Variants in ADGRF5 observed in about 807,000 individuals in gnomAD.
The protein encoded by ADGRF5 is G-protein coupled receptor 116.
Under a neutral mutation model 132.3 loss-of-function variants are expected in ADGRF5, and 75 were observed. That is an observed-to-expected ratio of 0.57 (90% CI 0.47 to 0.69). The LOEUF (loss-of-function observed/expected upper bound fraction) is 0.69. Ranked by LOEUF, ADGRF5 falls within the 30% of genes least tolerant of loss-of-function variation. ADGRF5 has a pLI of 0.00. For missense variants in ADGRF5, 1,516 were observed against 1,630.6 expected (o/e 0.93, Z 1.21); for synonymous variants, 629 against 597.6 (o/e 1.05, Z -0.77).
chr6:46,871,428 T>C (rs1933051097), intron 11 of ADGRF5, among the ~76,000 whole-genome samples: 1 of 151,992 alleles, frequency 6.6e-6, no homozygotes, highest in African/African-American at 2.4e-5. Flanking sequence ...TGAGGAGTAG[T>C]AGGGGAGTGA....
intron 1 of ADGRF5, among the ~76,000 whole-genome samples, chr6:46,938,052 G>A (rs1777915702): frequency 6.6e-6 from 1 of 152,140 alleles, no homozygotes; most frequent in Non-Finnish European, 1.5e-5. Context: ...CTGATTCAGA[G>A]TTATCAATAC....
At chr6:46,869,187 AGGG>A (rs1581768892) in intron 11 of ADGRF5, 95 bp from the exon 12 acceptor site, 1 of 1,522,432 alleles carries the variant, frequency 6.6e-7, no homozygotes, top group South Asian at 1.3e-5. Flanking sequence ...AACTTCAGAG[AGGG>A]ACAGAAAAAA....
rs765956166 is a variant in ADGRF5, at chr6:46,906,721, A to G, written c.42T>C (p.Ile14=). ...GTGCAGCTTTGGAAGAATAAATCAC[A>G]ATAAACATGAGGCACAAAGTGGTTC... ...PRRTTLCLMF[I]VIYSSKAALN... is the part of the protein sequence containing the mutation. The change falls in exon 2 of 21, where the codon ATT becomes ATC. Residue 14 remains isoleucine (I), a synonymous_variant. Transcript: ENST00000283296. The G allele has an allele frequency of 3.1e-6, 5 of 1,608,972 alleles. No individual in the cohort carries two copies. In the East Asian group the frequency reaches 6.7e-5, roughly 22 times the overall value.
At chr6:46,923,246 G>A (rs1777080637), upstream of ADGRF5, among the ~76,000 whole-genome samples, 1 of 152,166 alleles carries the variant, frequency 6.6e-6, no homozygotes, top group Admixed American at 6.5e-5. Context: ...GTTTTATTGT[G>A]TGTGAAAGTG....
Position 46,876,939 on chromosome 6 carries a change from A to G in ADGRF5, c.1240+1263T>C, listed in dbSNP as rs141324002. ...TTTAAAAATAATTTAATCAATTTCC[A>G]TAGCTAAGGCTTTGTAAAATGAAGG... On this transcript the variant is annotated intron_variant, in intron 10 of 20. Coordinates refer to ENST00000283296, the MANE Select transcript of ADGRF5 (RefSeq NM_001098518.2). Among the ~76,000 whole-genome samples, 1,370 of 152,332 alleles carry G rather than the reference A, an allele frequency of 9.0e-3. 16 individuals carry two copies. The highest frequency in any genetic ancestry group is 0.031 in the African/African-American group (1,294 of 41,568).
Position 46,868,967 on chromosome 6 carries a change from A to G in ADGRF5, c.1537T>C (p.Tyr513His), listed in dbSNP as rs112491454. Residue 513 changes from tyrosine to histidine, a missense_variant, in exon 12 of 21, where the codon TAC becomes CAC. Transcript: ENST00000283296. ...CTCCTCGTGGTATAAAATCTTTGGT[A>G]TATTTTAATTCCAGCAGAAGTGTTC... ...YWNTSAGIKI[Y>H]QRFYTTRRYL... The G allele has an allele frequency of 6.2e-4, 1,002 of 1,613,240 alleles. 7 individuals carry two copies. The African/African-American group carries it at 0.011, about 18-fold the overall frequency.
At chr6:46,953,859 G>T (rs2113851704) in intron 1 of ADGRF5, among the ~76,000 whole-genome samples, 1 of 151,506 alleles carries the variant, frequency 6.6e-6, no homozygotes, top group South Asian at 2.1e-4. Flanking sequence ...TCAATAAATA[G>T]GTATGAATTG....
rs220717 is a variant in ADGRF5, at chr6:46,919,816, T to G, written c.-25+1897A>C. Among the ~76,000 whole-genome samples, 173 of 152,196 alleles carry G rather than the reference T, an allele frequency of 1.1e-3. 1 individual carries two copies. The highest frequency in any genetic ancestry group is 3.9e-3 in the African/African-American group (163 of 41,536). Reference sequence around the variant, plus strand: ...AAACCCTGTAAAGAACAAGAAAATATGAAATAGCTATTGAAAGTGTTCGTA... The same window carrying G: ...AAACCCTGTAAAGAACAAGAAAATAGGAAATAGCTATTGAAAGTGTTCGTA... On this transcript the variant is annotated intron_variant, in intron 1 of 20. Transcript: ENST00000283296.
At chr6:46,954,113 C>T (rs1778631758) in intron 1 of ADGRF5, among the ~76,000 whole-genome samples, 2 of 152,112 alleles carry the variant, frequency 1.3e-5, no homozygotes, top group East Asian at 3.9e-4. Context: ...CCACCACAAG[C>T]CTCCGAGACA....
At chr6:46,923,899 T>G (rs1203490805), upstream of ADGRF5, among the ~76,000 whole-genome samples, 1 of 152,212 alleles carries the variant, frequency 6.6e-6, no homozygotes, top group Non-Finnish European at 1.5e-5. Context: ...AGCCGTTTTC[T>G]TGAATTCTAA....
intron 4 of ADGRF5, among the ~76,000 whole-genome samples, chr6:46,885,516 T>A (rs1312451946): frequency 1.3e-5 from 2 of 152,202 alleles, no homozygotes; most frequent in African/African-American, 4.8e-5. Flanking sequence ...CAAGAGGTCT[T>A]GTCTTGATGG....
At chr6:46,870,575 T>A (rs1770939281) in intron 11 of ADGRF5, among the ~76,000 whole-genome samples, 1 of 152,230 alleles carries the variant, frequency 6.6e-6, no homozygotes, top group African/African-American at 2.4e-5. Flanking sequence ...AGGTGTAATA[T>A]GTCCCTGCAT....
chr6:46,881,672 T>A, intron 7 of ADGRF5, 75 bp from the exon 8 acceptor site: 1 of 1,363,602 alleles, frequency 7.3e-7, no homozygotes, highest in Non-Finnish European at 1.0e-6. Context: ...CTTATTTGCT[T>A]AGGAAACAAA....
intron 3 of ADGRF5, 56 bp from the exon 4 acceptor site, chr6:46,888,561 T>G (rs1773296738): frequency 3.4e-6 from 4 of 1,189,670 alleles, no homozygotes; most frequent in Non-Finnish European, 5.0e-6. Context: ...TGGAGTAAGA[T>G]CATGATGGAT....
intron 1 of ADGRF5, among the ~76,000 whole-genome samples, chr6:46,947,571 G>A (rs927837952): frequency 3.3e-5 from 5 of 152,270 alleles, no homozygotes; most frequent in African/African-American, 1.2e-4. Context: ...GTGGTGGGCA[G>A]GATAAAGGGT....
chr6:46,951,783 G>C (rs1484744692), intron 1 of ADGRF5, among the ~76,000 whole-genome samples: 1 of 152,196 alleles, frequency 6.6e-6, no homozygotes, highest in East Asian at 1.9e-4. Context: ...GGATTTCTCT[G>C]AGTTGCAGGG....
chr6:46,872,981 C>T (rs996647835), intron 10 of ADGRF5, among the ~76,000 whole-genome samples: 10 of 152,138 alleles, frequency 6.6e-5, no homozygotes, highest in South Asian at 2.1e-4. Context: ...GTTTGAAACA[C>T]GAAACTGATT....
At chr6:46,925,821 G>A (rs1010482287), upstream of ADGRF5, among the ~76,000 whole-genome samples, 26 of 152,318 alleles carry the variant, frequency 1.7e-4, no homozygotes, top group African/African-American at 6.3e-4. Flanking sequence ...AATTATTAAC[G>A]CCACAGCCCT....
At chr6:46,893,722 T>G (rs1267439079) in intron 3 of ADGRF5, among the ~76,000 whole-genome samples, 1 of 152,184 alleles carries the variant, frequency 6.6e-6, no homozygotes, top group Non-Finnish European at 1.5e-5. Flanking sequence ...CCCCTGGCAT[T>G]GTTTATCTAG....
Sources: gnomAD v4.1 joint callset for allele counts (sites outside exome capture counted in the v4.1 genomes callset) on GRCh38, gnomAD v4.1.1 for gene constraint, MANE v1.5 for transcripts, NCBI Gene and HGNC (gene_info 2026-07-23, HGNC 2026-07-21) for gene names.